Variants in DNHD1 observed in about 807,000 individuals in gnomAD.
The protein encoded by DNHD1 is dynein heavy chain domain-containing protein 1.
A neutral mutation model predicts 458.1 loss-of-function variants in DNHD1; 383 were observed. The ratio of observed to expected loss-of-function variants is 0.84; its 90% CI spans 0.77 to 0.91. The LOEUF (loss-of-function observed/expected upper bound fraction) is 0.91, where lower values mean the gene tolerates loss of function less well. Among genes scored for constraint, DNHD1 ranks in the 40% least tolerant of loss-of-function variants. The probability of loss-of-function intolerance (pLI) is 0.00; values close to 1 mark genes in which losing one functional copy is unlikely to be tolerated. For synonymous variants in DNHD1, 2,203 were observed against 2,376.9 expected (o/e 0.93, Z 2.13); for missense variants, 5,336 against 5,866.1 (o/e 0.91, Z 2.95).
chr11:6,533,264 C>T, intron 13 of DNHD1, 80 bp downstream of exon 13: 6 of 1,396,130 alleles, frequency 4.3e-6, no homozygotes, highest in Non-Finnish European at 5.8e-6. Context: ...CTTCAGGTCT[C>T]TGCTGAGCCC....
chr11:6,511,125 G>A, intron 6 of DNHD1, 148 bp from the exon 7 acceptor site: 1 of 1,075,426 alleles, frequency 9.3e-7, no homozygotes, highest in Non-Finnish European at 1.3e-6. Context: ...ACTCTCGAGA[G>A]GGAGCTGTCA....
chr11:6,558,850 T>G lies in DNHD1; in HGVS notation c.9212-52T>G, dbSNP rs1175999497. 2.6e-6 allele frequency: 4 copies of G among 1,542,290 alleles called. No individual in the cohort carries two copies. In the African/African-American group the frequency reaches 5.5e-5, roughly 21 times the overall value. ...GAGCTAGGAGAGGATCCCTTTCCTT[T>G]CCTGTTTTCCTACAAGCTCACAGAG... On this transcript the variant is annotated intron_variant, in intron 26 of 42. Transcript: ENST00000254579.
chr11:6,508,798 TC>T, intron 4 of DNHD1, 81 bp from the exon 5 acceptor site: 6 of 1,341,524 alleles, frequency 4.5e-6, no homozygotes, highest in Non-Finnish European at 6.2e-6. Flanking sequence ...TTCCCCTTTT[TC>T]ATCTCCTGTA....
Position 6,571,257 on chromosome 11 carries a change from A to T in DNHD1, c.13745A>T (p.His4582Leu). The part of the protein sequence containing the change: ...ASSDVPERVF[H>L]LSAFRHPRRL... ...AGTGATGTACCAGAGCGCGTCTTCCACCTGTCAGCCTTTCGCCACCCGCGC... is the reference window on the plus strand; with the variant it reads ...AGTGATGTACCAGAGCGCGTCTTCCTCCTGTCAGCCTTTCGCCACCCGCGC... Residue 4582 changes from histidine (H) to leucine (L), a missense_variant, in exon 42 of 43, where the codon CAC (histidine) becomes CTC (leucine). His to Leu is a moderately conservative substitution (Grantham distance 99, BLOSUM62 -3). Coordinates refer to ENST00000254579, the MANE Select transcript of DNHD1 (RefSeq NM_144666.3). The surrounding 1 kb of genome is among the most constrained non-coding windows in gnomAD (Gnocchi z 5.0). 6.2e-7 allele frequency: 1 copy of T among 1,612,444 alleles called. No individual in the cohort carries two copies. Among genetic ancestry groups the T allele is most frequent in the South Asian group, 1.1e-5 (1 of 90,908 alleles).
rs1020753628 is a variant in DNHD1, at chr11:6,538,528, T to C, written c.3126+18T>C. The C allele has an allele frequency of 6.4e-7, 1 of 1,551,628 alleles. No homozygotes were observed. On this transcript the variant is annotated intron_variant, in intron 15 of 42. Coordinates refer to ENST00000254579, the MANE Select transcript of DNHD1 (RefSeq NM_144666.3). ...TTGCCAAGGTGCTGACACCCTTCCT[T>C]GGAGCTCTTGACTGGGAGTGGAGGA...
chr11:6,524,619 T>C (rs548497104), intron 10 of DNHD1, among the ~76,000 whole-genome samples: 2 of 152,346 alleles, frequency 1.3e-5, no homozygotes, highest in East Asian at 3.9e-4. Flanking sequence ...TCATAAGCTA[T>C]GGCAAGGGGA....
chr11:6,533,273 C>G, intron 13 of DNHD1, 89 bp downstream of exon 13: 2 of 1,310,938 alleles, frequency 1.5e-6, no homozygotes, highest in Non-Finnish European at 2.1e-6. Flanking sequence ...TCTGCTGAGC[C>G]CCCAGCAGAG....
intron 18 of DNHD1, among the ~76,000 whole-genome samples, chr11:6,543,210 T>C (rs1195959496): frequency 6.6e-6 from 1 of 152,042 alleles, no homozygotes; most frequent in Non-Finnish European, 1.5e-5. Flanking sequence ...GTTTGGAGAG[T>C]CCTACATGTG....
chr11:6,551,026 A>G, intron 24 of DNHD1, among the ~76,000 whole-genome samples: 1 of 152,296 alleles, frequency 6.6e-6, no homozygotes, highest in East Asian at 1.9e-4. Flanking sequence ...AAAACATTAT[A>G]CTCACCAACT....
At chr11:6,569,765 G>A (rs11040924) in intron 39 of DNHD1, among the ~76,000 whole-genome samples, 37,551 of 151,940 alleles carry the variant, frequency 0.25, 10,436 homozygotes, top group African/African-American at 0.69. Context: ...AGGAGGTGTC[G>A]AGGATGACTC....
chr11:6,563,510 T>G lies in DNHD1; in HGVS notation c.9798T>G (p.His3266Gln). ...ATGCAATGTGTGACTTGTTCCACCA[T>G]GAAACAGGCTGGGCCAGTGCCAAAC... ...VTDAMCDLFH[H>Q]ETGWASAKQL... Residue 3266 changes from histidine to glutamine, a missense_variant, in exon 30 of 43, where the codon CAT becomes CAG. Transcript: ENST00000254579. 2 of 1,551,706 alleles carry G rather than the reference T, an allele frequency of 1.3e-6. No individual in the cohort carries two copies.
chr11:6,570,696 G>A lies in DNHD1; in HGVS notation c.13184G>A (p.Cys4395Tyr). The A allele has an allele frequency of 6.2e-7, 1 of 1,611,574 alleles. No homozygotes were observed. The highest frequency in any genetic ancestry group is 8.5e-7 in the Non-Finnish European group (1 of 1,178,906). The change falls in exon 42 of 43, where the codon TGC becomes TAC. Residue 4395 changes from cysteine to tyrosine, a missense_variant. Physicochemically the swap from Cys to Tyr is radical, Grantham distance 194. Around this residue, in one of 4 missense-constraint regions of DNHD1, gnomAD observed 698 missense variants for 664.9 expected, o/e 1.05. Coordinates refer to ENST00000254579, the MANE Select transcript of DNHD1 (RefSeq NM_144666.3). ...CCCTCACCACCTGAACCCCGGCTCTGCGGACTGAGTGAGGGCCCCCAAGCC... is the reference window on the plus strand; with the variant it reads ...CCCTCACCACCTGAACCCCGGCTCTACGGACTGAGTGAGGGCCCCCAAGCC... ...LLPSPPEPRL[C>Y]GLSEGPQAWL...
At chr11:6,537,470 G>A (rs1301147277) in intron 14 of DNHD1, among the ~76,000 whole-genome samples, 1 of 151,844 alleles carries the variant, frequency 6.6e-6, no homozygotes. Context: ...CAAACTTCTA[G>A]TTGGGAGAGA....
chr11:6,570,539 C>T, intron 41 of DNHD1, 79 bp from the exon 42 acceptor site: 2 of 1,487,236 alleles, frequency 1.3e-6, no homozygotes, highest in Admixed American at 2.3e-5. Context: ...GCAGTAAAGG[C>T]TCAGAGGAAG....
In DNHD1 at chr11:6,568,261, T is replaced by C. The variant is rs1683024558; in HGVS notation, c.12538+19T>C. ...GCCAAGGGTGAGTTTATTGCCTAGA[T>C]TGGCTTCCAGGATCCTATCCTACAC... On this transcript the variant is annotated intron_variant, in intron 37 of 42. Coordinates refer to ENST00000254579, the MANE Select transcript of DNHD1 (RefSeq NM_144666.3). 4.5e-6 allele frequency: 7 copies of C among 1,540,910 alleles called. No homozygotes were observed. The highest frequency in any genetic ancestry group is 1.2e-5 in the South Asian group (1 of 83,568).
In DNHD1 at chr11:6,514,547, C is replaced by T. The variant is rs1852417486; in HGVS notation, c.1392+3118C>T. Among the ~76,000 whole-genome samples, 5 of 150,206 alleles carry T rather than the reference C, an allele frequency of 3.3e-5. No individual in the cohort carries two copies. The South Asian group carries it at 6.5e-4, about 19-fold the overall frequency. On this transcript the variant is annotated intron_variant, in intron 7 of 42. Transcript: ENST00000254579. ...TCCCTTCCTCCCTTTTTCTCTCCCT[C>T]CCTCTCTTCCTCCCTCCCTCCCTCT...
chr11:6,518,184 G>A (rs1045457071), intron 7 of DNHD1, among the ~76,000 whole-genome samples: 5 of 152,172 alleles, frequency 3.3e-5, no homozygotes, highest in East Asian at 1.9e-4. Context: ...TCAGCCTCCC[G>A]AGTAGCTGGG....
chr11:6,499,061 T>C, intron 3 of DNHD1, 100 bp downstream of exon 3: 2 of 1,364,516 alleles, frequency 1.5e-6, no homozygotes, highest in Non-Finnish European at 2.0e-6. Context: ...CAGCTCTCTG[T>C]TTATCACAGG....
chr11:6,566,712 C>A lies in DNHD1; in HGVS notation c.11332C>A (p.Gln3778Lys), dbSNP rs1207384386. Reference protein sequence around the residue: ...REYPELETRWQDLKIRALDTC... With the variant: ...REYPELETRWKDLKIRALDTC... ...GTATCCTGAACTCGAGACCCGCTGG[C>A]AGGACCTAAAGATCAGAGCCCTAGA... Residue 3778 changes from glutamine to lysine, a missense_variant, in exon 35 of 43, where the codon CAG becomes AAG. Coordinates refer to ENST00000254579, the MANE Select transcript of DNHD1 (RefSeq NM_144666.3). 1.2e-6 allele frequency: 2 copies of A among 1,612,188 alleles called. No individual in the cohort carries two copies. The highest frequency in any genetic ancestry group is 1.7e-6 in the Non-Finnish European group (2 of 1,179,082).
Sources: gnomAD v4.1 joint callset for allele counts (sites outside exome capture counted in the v4.1 genomes callset) on GRCh38, gnomAD v4.1.1 for gene constraint, gnomAD v4.1.1 regional missense constraint, Gnocchi (gnomAD v3.1) non-coding constraint, MANE v1.5 for transcripts, NCBI Gene and HGNC (gene_info 2026-07-23, HGNC 2026-07-21) for gene names.